NUS1: variants seen among roughly 807,000 people sequenced by gnomAD.
The protein encoded by NUS1 is NUS1 dehydrodolichyl diphosphate synthase subunit, also known as dehydrodolichyl diphosphate synthase complex subunit NUS1.
For synonymous variants in NUS1, 135 were observed against 155.2 expected (o/e 0.87, Z 0.97); for missense variants, 292 against 382.9 (o/e 0.76, Z 1.98).
At position 117,706,992 on chromosome 6, in the gene NUS1, T is replaced by G; in HGVS notation, c.859T>G (p.Cys287Gly). The G allele has an allele frequency of 6.2e-7, 1 of 1,612,682 alleles. No homozygotes were observed. Among genetic ancestry groups the G allele is most frequent in the South Asian group, 1.1e-5 (1 of 91,052 alleles). The change falls in exon 5 of 5, where the codon TGT becomes GGT. Residue 287 changes from cysteine to glycine, a missense_variant. Physicochemically the swap from Cys to Gly is radical, Grantham distance 159. Coordinates refer to ENST00000368494, the MANE Select transcript of NUS1 (RefSeq NM_138459.5). ...CTCTGCCCTTCGTCAATATGCAGCC[T>G]GTGAACAGCGTCTGGGAAAGTAGTG... ...FFSALRQYAA[C>G]EQRLGK
chr6:117,681,760 C>T (rs548674117), intron 1 of NUS1, among the ~76,000 whole-genome samples: 1 of 152,304 alleles, frequency 6.6e-6, no homozygotes, highest in Admixed American at 6.5e-5. Flanking sequence ...TACAGTTTCA[C>T]ATTTATCTTA....
At chr6:117,682,829 G>A (rs563747189) in intron 1 of NUS1, among the ~76,000 whole-genome samples, 1 of 152,192 alleles carries the variant, frequency 6.6e-6, no homozygotes, top group East Asian at 1.9e-4. Context: ...ATTTCCACTG[G>A]TAAAAGAATG....
chr6:117,681,895 C>T (rs955740009), intron 1 of NUS1, among the ~76,000 whole-genome samples: 6 of 152,146 alleles, frequency 3.9e-5, no homozygotes, highest in East Asian at 1.9e-4. Context: ...TGCAGTGGTG[C>T]GATCTCGGCT....
chr6:117,689,651 TC>T (rs1216946161), intron 1 of NUS1, among the ~76,000 whole-genome samples: 1 of 152,104 alleles, frequency 6.6e-6, no homozygotes, highest in Non-Finnish European at 1.5e-5. Context: ...AGCCTTGAAC[TC>T]CTGGACTCAA....
At chr6:117,682,696 T>A (rs1347061885) in intron 1 of NUS1, among the ~76,000 whole-genome samples, 1 of 152,214 alleles carries the variant, frequency 6.6e-6, no homozygotes, top group Non-Finnish European at 1.5e-5. Flanking sequence ...CTTAAGTCAT[T>A]AGCAGTTTTA....
intron 3 of NUS1, among the ~76,000 whole-genome samples, chr6:117,695,337 G>A (rs1297899780): frequency 4.0e-5 from 6 of 150,802 alleles, no homozygotes; most frequent in East Asian, 3.9e-4. Flanking sequence ...TCTTGGTTTC[G>A]CTAACTTCCT....
At chr6:117,688,410 C>T (rs1475764651) in intron 1 of NUS1, among the ~76,000 whole-genome samples, 1 of 151,296 alleles carries the variant, frequency 6.6e-6, no homozygotes, top group Non-Finnish European at 1.5e-5. Flanking sequence ...TGGGCAGATA[C>T]TGATGGCTTT....
At chr6:117,683,604 G>A (rs888130600) in intron 1 of NUS1, among the ~76,000 whole-genome samples, 3 of 152,086 alleles carry the variant, frequency 2.0e-5, no homozygotes, top group Non-Finnish European at 4.4e-5. Context: ...AACCAGTGAA[G>A]TGCTTAATAA....
At chr6:117,676,240 C>G (rs1772978830) in intron 1 of NUS1, among the ~76,000 whole-genome samples, 155 bp downstream of exon 1, 1 of 152,260 alleles carries the variant, frequency 6.6e-6, no homozygotes, top group Admixed American at 6.5e-5. Flanking sequence ...TTATTGAACA[C>G]CTACTAATTC....
chr6:117,692,940 A>G (rs1773262453), intron 1 of NUS1, 102 bp from the exon 2 acceptor site: 1 of 927,344 alleles, frequency 1.1e-6, no homozygotes, highest in East Asian at 2.6e-5. Flanking sequence ...TTTGTTTGAC[A>G]TTCGTTTAGT....
rs750275336 is a variant in NUS1 at position 117,694,194 on chromosome 6, T to C, written c.691+14T>C. 1 of 1,463,256 alleles carries C rather than the reference T, an allele frequency of 6.8e-7. No homozygotes were observed. The highest frequency in any genetic ancestry group is 1.2e-5 in the South Asian group (1 of 80,544). The allele number at this position is 1,463,256 out of a possible 1,614,324, so 90.6% of individuals were successfully genotyped here. On this transcript the variant is annotated intron_variant, in intron 3 of 4. Transcript: ENST00000368494. ...CCAGTTTACTTAGTAAGTTTTTTTA[T>C]ATATATATACATATATATGTATATG...
At chr6:117,677,986 A>G (rs1359456235) in intron 1 of NUS1, among the ~76,000 whole-genome samples, 1 of 152,232 alleles carries the variant, frequency 6.6e-6, no homozygotes, top group East Asian at 1.9e-4. Context: ...ATGTATAGCT[A>G]AATTGTTTGA....
At chr6:117,700,053 A>G (rs567703849) in intron 3 of NUS1, among the ~76,000 whole-genome samples, 245 of 152,308 alleles carry the variant, frequency 1.6e-3, no homozygotes, top group African/African-American at 5.7e-3. Context: ...CTAAGCAACT[A>G]CTACAGGAAA....
intron 3 of NUS1, among the ~76,000 whole-genome samples, chr6:117,701,150 A>G (rs1396464746): frequency 2.0e-5 from 3 of 151,816 alleles, no homozygotes; most frequent in African/African-American, 4.8e-5. Context: ...AATTGAATCT[A>G]TAGCTCAATT....
At chr6:117,701,369 C>T (rs1272358077) in intron 3 of NUS1, among the ~76,000 whole-genome samples, 8 of 151,728 alleles carry the variant, frequency 5.3e-5, no homozygotes, top group Admixed American at 4.6e-4. Flanking sequence ...CTCAGCCTCC[C>T]GAGTAGCTGG....
chr6:117,691,040 AT>A (rs1773210187), intron 1 of NUS1, among the ~76,000 whole-genome samples: 1 of 151,162 alleles, frequency 6.6e-6, no homozygotes, highest in Non-Finnish European at 1.5e-5. Context: ...AAGCCATGGA[AT>A]TTTCTACATT....
rs1341258609 is a variant in NUS1, at chr6:117,708,878, A to G, written c.*1863A>G. The G allele has an allele frequency of 6.6e-6, 1 of 152,094 alleles. No individual in the cohort carries two copies. The highest frequency in any genetic ancestry group is 1.5e-5 in the Non-Finnish European group (1 of 67,944). The allele number at this position is 152,094 out of a possible 1,614,324, so 9.4% of individuals were successfully genotyped here. On this transcript the variant is annotated 3_prime_UTR_variant, in exon 5 of 5. Transcript: ENST00000368494. ...TAATGGACCTGATTAAAATGAAGGG[A>G]TTTAATCGTTGTTAAAGTTAAGTTA...
intron 1 of NUS1, among the ~76,000 whole-genome samples, chr6:117,688,379 T>C (rs1449738115): frequency 1.3e-5 from 2 of 151,468 alleles, no homozygotes; most frequent in African/African-American, 4.9e-5. Flanking sequence ...AATGGGAGAG[T>C]AGAGAGAATG....
intron 1 of NUS1, among the ~76,000 whole-genome samples, chr6:117,682,202 C>T (rs995412491): frequency 2.0e-5 from 3 of 152,202 alleles, no homozygotes; most frequent in Non-Finnish European, 4.4e-5. Context: ...CATCCCCAGT[C>T]TTACTCTGTC....
Sources: allele counts gnomAD v4.1 joint callset (sites outside exome capture counted in the v4.1 genomes callset), GRCh38; gene constraint gnomAD v4.1.1; transcripts MANE v1.5; gene names NCBI Gene and HGNC (gene_info 2026-07-23, HGNC 2026-07-21).